Variants in RFTN2 observed in about 807,000 individuals in gnomAD.
RFTN2 encodes the protein raftlin family member 2, also known as raftlin-2.
A neutral mutation model predicts 52.7 loss-of-function variants in RFTN2; 34 were observed. That is an observed-to-expected ratio of 0.64 (90% confidence interval 0.49 to 0.86). The LOEUF is 0.86. RFTN2 is among the 40% of genes least tolerant of loss of function. RFTN2 has a pLI of 0.00. For synonymous variants in RFTN2, 203 were observed against 217.7 expected (o/e 0.93, Z 0.59); for missense variants, 536 against 600.1 (o/e 0.89, Z 1.12).
intron 7 of RFTN2, among the ~76,000 whole-genome samples, chr2:197,614,225 T>G (rs1368735160): frequency 6.6e-6 from 1 of 152,228 alleles, no homozygotes; most frequent in Admixed American, 6.5e-5. Context: ...CCACATATTT[T>G]TATTTATTGA....
chr2:197,607,611 G>A (rs550635533), intron 7 of RFTN2, among the ~76,000 whole-genome samples: 12 of 151,918 alleles, frequency 7.9e-5, no homozygotes, highest in South Asian at 6.2e-4. Context: ...ATTAATTGTC[G>A]TGGCTTAACA....
intron 5 of RFTN2, among the ~76,000 whole-genome samples, chr2:197,629,105 A>G (rs189491778): frequency 6.6e-6 from 1 of 152,384 alleles, no homozygotes; most frequent in Admixed American, 6.5e-5. Flanking sequence ...GTATATACCC[A>G]AAGGATTATA....
intron 1 of RFTN2, among the ~76,000 whole-genome samples, chr2:197,671,093 T>C (rs1291197557): frequency 1.3e-5 from 2 of 152,218 alleles, no homozygotes; most frequent in Non-Finnish European, 2.9e-5. Context: ...TAAAACACTC[T>C]TCTGCATCTA....
chr2:197,651,407 TC>T (rs2088825131), intron 1 of RFTN2, among the ~76,000 whole-genome samples: 1 of 152,134 alleles, frequency 6.6e-6, no homozygotes, highest in African/African-American at 2.4e-5. Flanking sequence ...TCACCTGAGA[TC>T]AGGAGTTTGA....
chr2:197,659,684 G>A (rs572135707), intron 1 of RFTN2, among the ~76,000 whole-genome samples: 1 of 152,084 alleles, frequency 6.6e-6, no homozygotes, highest in East Asian at 1.9e-4. Flanking sequence ...TGGCGTGGTG[G>A]CGTGTGCCTG....
At chr2:197,590,352 A>AT (rs1476260465) in intron 8 of RFTN2, among the ~76,000 whole-genome samples, 1 of 152,168 alleles carries the variant, frequency 6.6e-6, no homozygotes, top group Non-Finnish European at 1.5e-5. Flanking sequence ...TTGAAATGAC[A>AT]TTTTTCATGT....
At chr2:197,616,451 C>T (rs1574709596) in intron 6 of RFTN2, among the ~76,000 whole-genome samples, 1 of 151,876 alleles carries the variant, frequency 6.6e-6, no homozygotes, top group East Asian at 1.9e-4. Flanking sequence ...GACACTATGC[C>T]TGGTTAATTT....
At chr2:197,638,004 G>A (rs1343093484) in intron 3 of RFTN2, among the ~76,000 whole-genome samples, 2 of 150,096 alleles carry the variant, frequency 1.3e-5, no homozygotes, top group African/African-American at 4.9e-5. Context: ...GTATCCAGTA[G>A]TCATTCAGGA....
intron 3 of RFTN2, among the ~76,000 whole-genome samples, chr2:197,635,588 G>GT (rs1318536734): frequency 6.7e-6 from 1 of 148,216 alleles, no homozygotes. Context: ...GGGGTTGTTT[G>GT]TTTTTTTCTT....
At chr2:197,596,787 T>C (rs1288798345) in intron 7 of RFTN2, among the ~76,000 whole-genome samples, 1 of 152,196 alleles carries the variant, frequency 6.6e-6, no homozygotes, top group Non-Finnish European at 1.5e-5. Context: ...AAAATTTACA[T>C]CCATTTTCAA....
At chr2:197,674,172 A>T (rs1415888974) in intron 1 of RFTN2, among the ~76,000 whole-genome samples, 1 of 151,882 alleles carries the variant, frequency 6.6e-6, no homozygotes, top group Non-Finnish European at 1.5e-5. Flanking sequence ...TTCTTTTGGT[A>T]GCCTTAGCTT....
chr2:197,607,927 T>C (rs1440500815), intron 7 of RFTN2, among the ~76,000 whole-genome samples: 2 of 152,164 alleles, frequency 1.3e-5, no homozygotes, highest in African/African-American at 4.8e-5. Context: ...ATAGACAAAA[T>C]TGATTATTTT....
chr2:197,603,450 A>G (rs912061725), intron 7 of RFTN2, among the ~76,000 whole-genome samples: 6 of 152,234 alleles, frequency 3.9e-5, no homozygotes, highest in African/African-American at 1.4e-4. Flanking sequence ...TGTTATATTT[A>G]AGTAAGTTAT....
intron 7 of RFTN2, among the ~76,000 whole-genome samples, chr2:197,610,858 C>G (rs2106204915): frequency 6.6e-6 from 1 of 152,320 alleles, no homozygotes; most frequent in Middle Eastern, 3.4e-3. Flanking sequence ...TTTTCTACAT[C>G]TATTGAGATA....
intron 8 of RFTN2, among the ~76,000 whole-genome samples, chr2:197,585,870 C>T (rs2087587747): frequency 6.6e-6 from 1 of 152,092 alleles, no homozygotes; most frequent in Non-Finnish European, 1.5e-5. Flanking sequence ...CTTAAAAAAA[C>T]CTTTCTCCTT....
At chr2:197,622,534 G>A (rs1037371908) in intron 5 of RFTN2, among the ~76,000 whole-genome samples, 1 of 152,098 alleles carries the variant, frequency 6.6e-6, no homozygotes, top group Non-Finnish European at 1.5e-5. Context: ...TCGAACTCCT[G>A]ACCTCAAATG....
chr2:197,605,967 T>C (rs1403223110), intron 7 of RFTN2, among the ~76,000 whole-genome samples: 1 of 152,192 alleles, frequency 6.6e-6, no homozygotes, highest in Non-Finnish European at 1.5e-5. Context: ...ACCTGCCTTA[T>C]AGTCAACTCT....
At chr2:197,630,407 C>T (rs2106231091) in intron 5 of RFTN2, among the ~76,000 whole-genome samples, 1 of 152,060 alleles carries the variant, frequency 6.6e-6, no homozygotes, top group East Asian at 1.9e-4. Flanking sequence ...AAAAAAACTT[C>T]CTAGAAAGTC....
intron 7 of RFTN2, among the ~76,000 whole-genome samples, chr2:197,604,348 C>G (rs1470546904): frequency 6.6e-6 from 1 of 152,140 alleles, no homozygotes; most frequent in Non-Finnish European, 1.5e-5. Flanking sequence ...CAACTGGAGA[C>G]AGCAAACCAC....
Sources: allele counts gnomAD v4.1 joint callset (sites outside exome capture counted in the v4.1 genomes callset), GRCh38; gene constraint gnomAD v4.1.1; transcripts MANE v1.5; gene names NCBI Gene and HGNC (gene_info 2026-07-23, HGNC 2026-07-21).